Variants in ZNF475 observed in about 807,000 individuals in gnomAD.
ZNF475 encodes the protein zinc finger protein 475.
chr5:122,172,513 T>C, the ZNF475 span, among the ~76,000 whole-genome samples: 3 of 152,220 alleles, frequency 2.0e-5, no homozygotes, highest in East Asian at 1.9e-4. Context: ...AATCAGTCGA[T>C]ATCATATCCA....
chr5:122,166,742 C>T, the ZNF475 span, among the ~76,000 whole-genome samples: 11 of 152,286 alleles, frequency 7.2e-5, no homozygotes, highest in African/African-American at 1.2e-4. Context: ...CTATCGTTGA[C>T]GGACATTTGG....
chr5:122,177,120 A>G, the ZNF475 span, among the ~76,000 whole-genome samples: 2 of 152,196 alleles, frequency 1.3e-5, no homozygotes, highest in East Asian at 1.9e-4. Context: ...CTGTGGTACA[A>G]TCACTCTGGG....
At chr5:122,179,625 A>T in the ZNF475 span, 3 of 1,534,456 alleles carry the variant, frequency 2.0e-6, no homozygotes, top group African/African-American at 1.4e-5. Context: ...ATCTATTAGC[A>T]TTCATGAGCC....
the ZNF475 span, among the ~76,000 whole-genome samples, chr5:122,177,906 C>T: frequency 3.3e-5 from 5 of 152,090 alleles, no homozygotes; most frequent in Non-Finnish European, 7.4e-5. Context: ...GCCCACCGCC[C>T]CCAACAGGCC....
chr5:122,165,693 T>C, the ZNF475 span, among the ~76,000 whole-genome samples: 1 of 151,636 alleles, frequency 6.6e-6, no homozygotes, highest in Non-Finnish European at 1.5e-5. Context: ...ACAGGGAATA[T>C]GGCTATTTTG....
the ZNF475 span, chr5:122,179,591 T>C: frequency 5.4e-4 from 821 of 1,527,988 alleles, 7 homozygotes; most frequent in African/African-American, 9.4e-3. Context: ...TTTGCTACAT[T>C]TGTGGTCGTG....
At chr5:122,170,211 G>A in the ZNF475 span, among the ~76,000 whole-genome samples, 1 of 152,062 alleles carries the variant, frequency 6.6e-6, no homozygotes, top group Non-Finnish European at 1.5e-5. Context: ...TTCCCCCACA[G>A]CAACAACCAG....
the ZNF475 span, among the ~76,000 whole-genome samples, chr5:122,174,459 A>G: frequency 6.6e-6 from 1 of 152,224 alleles, no homozygotes; most frequent in African/African-American, 2.4e-5. Context: ...GCGCTTCACT[A>G]GAGCATGGCT....
chr5:122,177,407 G>A, the ZNF475 span, among the ~76,000 whole-genome samples: 3 of 152,196 alleles, frequency 2.0e-5, no homozygotes, highest in Non-Finnish European at 4.4e-5. Flanking sequence ...GTGTTATTGA[G>A]AAGAGGAATT....
At chr5:122,169,504 G>A in the ZNF475 span, among the ~76,000 whole-genome samples, 1 of 152,204 alleles carries the variant, frequency 6.6e-6, no homozygotes, top group Non-Finnish European at 1.5e-5. Context: ...CTCTAGCATG[G>A]GGAATAGTGT....
At chr5:122,168,732 T>C in the ZNF475 span, among the ~76,000 whole-genome samples, 14 of 152,074 alleles carry the variant, frequency 9.2e-5, no homozygotes, top group African/African-American at 3.4e-4. Context: ...AAATTATAAA[T>C]TGTCCCATCT....
the ZNF475 span, among the ~76,000 whole-genome samples, chr5:122,165,451 C>T: frequency 6.6e-6 from 1 of 152,160 alleles, no homozygotes; most frequent in African/African-American, 2.4e-5. Context: ...TCATGTCTAT[C>T]TCCCCCGTGG....
chr5:122,169,044 G>A, the ZNF475 span, among the ~76,000 whole-genome samples: 7 of 152,166 alleles, frequency 4.6e-5, no homozygotes, highest in Non-Finnish European at 8.8e-5. Flanking sequence ...CTAACCACTC[G>A]TGTTTCCATC....
chr5:122,171,704 C>A, the ZNF475 span, among the ~76,000 whole-genome samples: 1 of 151,896 alleles, frequency 6.6e-6, no homozygotes, highest in African/African-American at 2.4e-5. Flanking sequence ...CCTTCCCCTG[C>A]CAATTTTGAT....
the ZNF475 span, among the ~76,000 whole-genome samples, chr5:122,174,786 T>C: frequency 7.2e-5 from 11 of 152,236 alleles, no homozygotes; most frequent in Non-Finnish European, 1.3e-4. Flanking sequence ...ATACTTTCCA[T>C]GTGGAATTTT....
At chr5:122,170,780 A>C in the ZNF475 span, among the ~76,000 whole-genome samples, 1 of 152,184 alleles carries the variant, frequency 6.6e-6, no homozygotes, top group Non-Finnish European at 1.5e-5. Context: ...GGCCTTGGTC[A>C]TTCTGGCAAC....
At chr5:122,179,896 A>G in the ZNF475 span, 1 of 505,176 alleles carries the variant, frequency 2.0e-6, no homozygotes, top group South Asian at 3.6e-5. Flanking sequence ...TGCCTGTCCA[A>G]AGAATTATCT....
the ZNF475 span, among the ~76,000 whole-genome samples, chr5:122,172,685 T>C: frequency 2.6e-5 from 4 of 152,342 alleles, no homozygotes; most frequent in East Asian, 7.7e-4. Context: ...CACAGAACTA[T>C]ACTTTCACAC....
the ZNF475 span, among the ~76,000 whole-genome samples, chr5:122,176,421 A>G: frequency 1.3e-5 from 2 of 152,198 alleles, no homozygotes; most frequent in East Asian, 3.9e-4. Context: ...CAGATCCAGA[A>G]CAAAATCAAT....
Sources: gnomAD v4.1 joint callset for allele counts (sites outside exome capture counted in the v4.1 genomes callset) on GRCh38, gnomAD v4.1.1 for gene constraint, MANE v1.5 for transcripts, NCBI Gene and HGNC (gene_info 2026-07-23, HGNC 2026-07-21) for gene names.